Variants in LYZL4 observed in about 807,000 individuals in gnomAD.
LYZL4 encodes the protein lysozyme like 4, also known as lysozyme-like protein 4.
In LYZL4, 13 loss-of-function variants were observed where a neutral mutation model predicts 17.6. The ratio of observed to expected loss-of-function variants is 0.74; its 90% CI spans 0.48 to 1.18. LYZL4 has a LOEUF of 1.18. Ranked by LOEUF, LYZL4 falls within the 50% of genes most tolerant of loss-of-function variation. The pLI, the probability that LYZL4 is intolerant of heterozygous loss-of-function variation, is 0.00. For missense variants in LYZL4, 174 were observed against 188.2 expected (o/e 0.92, Z 0.44); for synonymous variants, 64 against 67.7 (o/e 0.95, Z 0.27).
the LYZL4 span, among the ~76,000 whole-genome samples, chr3:42,367,620 G>A: frequency 4.1e-3 from 578 of 139,958 alleles, 3 homozygotes; most frequent in African/African-American, 0.015. Flanking sequence ...CCTGTAGCTG[G>A]GGAATAGGCA....
At chr3:42,370,028 A>G in the LYZL4 span, among the ~76,000 whole-genome samples, 1 of 152,104 alleles carries the variant, frequency 6.6e-6, no homozygotes, top group Non-Finnish European at 1.5e-5. Context: ...ACAAAACAAA[A>G]CAAAGACTCC....
At chr3:42,397,358 G>A (rs961988802) in intron 4 of LYZL4, 24 bp from the exon 5 acceptor site, 3 of 1,534,078 alleles carry the variant, frequency 2.0e-6, no homozygotes, top group Non-Finnish European at 2.7e-6. Context: ...TGAACAGGAA[G>A]GGCTCCTCAA....
chr3:42,387,126 A>G, the LYZL4 span, among the ~76,000 whole-genome samples: 1 of 152,176 alleles, frequency 6.6e-6, no homozygotes, highest in Non-Finnish European at 1.5e-5. Context: ...AATAATAATA[A>G]TAACAACATA....
chr3:42,365,489 T>G, the LYZL4 span, among the ~76,000 whole-genome samples: 5 of 152,194 alleles, frequency 3.3e-5, no homozygotes, highest in Non-Finnish European at 5.9e-5. Flanking sequence ...CTCATCCTCC[T>G]TGGACCAACT....
chr3:42,407,357 G>A lies in LYZL4; in HGVS notation c.-92-14C>T, dbSNP rs62247333. 33,398 of 1,477,230 alleles carry A rather than the reference G, an allele frequency of 0.023. 466 individuals carry two copies. The highest frequency in any genetic ancestry group is 0.027 in the Non-Finnish European group (28,790 of 1,081,440). The allele number at this position is 1,477,230 out of a possible 1,614,324, so 91.5% of individuals were successfully genotyped here. ...GAAAGAAGGGCACTGTGGGGGTGGGGGTGGAGCACAGTTCAGTGTCATCAG... is the reference window on the plus strand; with the variant it reads ...GAAAGAAGGGCACTGTGGGGGTGGGAGTGGAGCACAGTTCAGTGTCATCAG... On this transcript the variant is annotated splice_polypyrimidine_tract_variant and intron_variant, in intron 1 of 4. Transcript: ENST00000287748.
At chr3:42,372,956 C>T in the LYZL4 span, among the ~76,000 whole-genome samples, 1 of 152,080 alleles carries the variant, frequency 6.6e-6, no homozygotes. Context: ...CCTGTAATCC[C>T]AGCATTTTGG....
the LYZL4 span, among the ~76,000 whole-genome samples, chr3:42,389,576 C>A: frequency 6.6e-6 from 1 of 152,182 alleles, no homozygotes; most frequent in Non-Finnish European, 1.5e-5. Flanking sequence ...CAAAGCTGTG[C>A]CCTATTCCAG....
chr3:42,401,181 A>G (rs1698645745), intron 4 of LYZL4, among the ~76,000 whole-genome samples: 1 of 152,106 alleles, frequency 6.6e-6, no homozygotes, highest in Admixed American at 6.5e-5. Context: ...ATATCACAAA[A>G]AGAAAAGGGG....
the LYZL4 span, among the ~76,000 whole-genome samples, chr3:42,385,191 A>T: frequency 2.0e-5 from 3 of 152,178 alleles, no homozygotes; most frequent in African/African-American, 4.8e-5. Context: ...TTCAAAAAAA[A>T]AAAATAAATA....
chr3:42,369,713 T>C, the LYZL4 span, among the ~76,000 whole-genome samples: 1 of 152,178 alleles, frequency 6.6e-6, no homozygotes, highest in Non-Finnish European at 1.5e-5. Flanking sequence ...GCAAGTGGAA[T>C]GCTTTCGACT....
the LYZL4 span, among the ~76,000 whole-genome samples, chr3:42,367,014 C>G: frequency 6.6e-6 from 1 of 152,202 alleles, no homozygotes; most frequent in Non-Finnish European, 1.5e-5. Context: ...AGACAGCAAT[C>G]AGTTGTGGAT....
At chr3:42,409,625 T>C (rs1325452199) in intron 1 of LYZL4, among the ~76,000 whole-genome samples, 1 of 152,222 alleles carries the variant, frequency 6.6e-6, no homozygotes, top group African/African-American at 2.4e-5. Flanking sequence ...TTTTCTGCCA[T>C]CATCCTAATC....
the LYZL4 span, among the ~76,000 whole-genome samples, chr3:42,374,717 C>A: frequency 6.6e-6 from 1 of 152,198 alleles, no homozygotes; most frequent in East Asian, 1.9e-4. Flanking sequence ...GTGACAGGAG[C>A]CACAGAGCAT....
chr3:42,379,290 C>T, the LYZL4 span, among the ~76,000 whole-genome samples: 5 of 152,110 alleles, frequency 3.3e-5, no homozygotes, highest in Non-Finnish European at 7.4e-5. Flanking sequence ...GTGGGCAGCT[C>T]GGACATCTCC....
chr3:42,401,080 C>T (rs1461340682), intron 4 of LYZL4, among the ~76,000 whole-genome samples: 6 of 152,192 alleles, frequency 3.9e-5, no homozygotes, highest in Non-Finnish European at 5.9e-5. Context: ...GCCACACAAC[C>T]TGTCCATTTA....
rs1398302454 is a variant in LYZL4 at position 42,410,406 on chromosome 3, T to C, written c.-93+11A>G. ...GCCCGTTACCCTCCTGCCCACCATA[T>C]ACCCGCCTACCAGTCCACCAGCCCT... is the stretch of plus-strand genomic sequence containing the variant. On this transcript the variant is annotated intron_variant, in intron 1 of 4. Transcript: ENST00000287748. 6.6e-6 allele frequency: 1 copy of C among 152,204 alleles called. No homozygotes were observed. The highest frequency in any genetic ancestry group is 2.4e-5 in the African/African-American group (1 of 41,478). The allele number at this position is 152,204 out of a possible 1,614,324, so 9.4% of individuals were successfully genotyped here.
At chr3:42,392,598 C>G (rs1166702498), downstream of LYZL4, among the ~76,000 whole-genome samples, 1 of 152,064 alleles carries the variant, frequency 6.6e-6, no homozygotes, top group Non-Finnish European at 1.5e-5. Flanking sequence ...ATTGGGCAGC[C>G]AGGTGAGTAT....
the LYZL4 span, among the ~76,000 whole-genome samples, chr3:42,374,464 T>C: frequency 6.6e-6 from 1 of 152,228 alleles, no homozygotes; most frequent in Non-Finnish European, 1.5e-5. Context: ...CACAGCACAG[T>C]ACTTTTCACC....
At chr3:42,408,677 C>G (rs551752494) in intron 1 of LYZL4, among the ~76,000 whole-genome samples, 88 of 152,174 alleles carry the variant, frequency 5.8e-4, no homozygotes, top group Non-Finnish European at 1.2e-3. Context: ...CCCTAGCACT[C>G]CATCGTTATA....
Sources: gnomAD v4.1 joint callset for allele counts (sites outside exome capture counted in the v4.1 genomes callset) on GRCh38, gnomAD v4.1.1 for gene constraint, MANE v1.5 for transcripts, NCBI Gene and HGNC (gene_info 2026-07-23, HGNC 2026-07-21) for gene names.